The following FRMPD4 variants were observed in gnomAD, a reference collection of about 807,000 sequenced individuals.
FRMPD4 encodes the protein FERM and PDZ domain containing 4.
FRMPD4 carries 22 observed loss-of-function variants against 94.1 expected under a neutral mutation model. The ratio of observed to expected loss-of-function variants is 0.23; its 90% confidence interval spans 0.17 to 0.33. The LOEUF is 0.33. Among genes scored for constraint, FRMPD4 ranks in the 10% least tolerant of loss-of-function variants. The probability of loss-of-function intolerance (pLI) is 1.00; values close to 1 mark genes in which losing one functional copy is unlikely to be tolerated. For synonymous variants in FRMPD4, 631 were observed against 548.6 expected (o/e 1.15, Z -2.10); for missense variants, 1,111 against 1,339.9 (o/e 0.83, Z 2.67).
intron 4 of FRMPD4, among the ~76,000 whole-genome samples, chrX:12,620,267 C>T (rs1372901607): frequency 8.9e-6 from 1 of 112,495 alleles, no homozygotes; most frequent in Non-Finnish European, 1.9e-5. Flanking sequence ...ACACTGTGAT[C>T]CAGCTCCAGC....
intron 1 of FRMPD4, among the ~76,000 whole-genome samples, chrX:12,329,835 G>T (rs757589312): frequency 2.0e-5 from 2 of 100,259 alleles, no homozygotes; most frequent in African/African-American, 7.6e-5. Context: ...TTATTAGGTG[G>T]GTTGCCAGGA....
intron 1 of FRMPD4, among the ~76,000 whole-genome samples, chrX:12,165,443 G>T (rs1215099430): frequency 9.0e-6 from 1 of 111,602 alleles, no homozygotes; most frequent in East Asian, 2.8e-4. Context: ...TGCTGTTTTG[G>T]TTACTGTAGC....
intron 1 of FRMPD4, among the ~76,000 whole-genome samples, chrX:12,458,353 T>A (rs776739706): frequency 3.6e-5 from 4 of 111,722 alleles, no homozygotes; most frequent in African/African-American, 1.3e-4. Context: ...AATCACCAAA[T>A]ATGGAGGAGG....
At chrX:12,274,134 A>AT (rs67955270) in intron 1 of FRMPD4, among the ~76,000 whole-genome samples, 56 of 105,418 alleles carry the variant, frequency 5.3e-4, no homozygotes, top group Non-Finnish European at 7.3e-4. Context: ...GGCCTCTAGG[A>AT]TTTTTTTTTT....
rs189573088 is a variant in FRMPD4, at chrX:12,595,419, A to T, written c.159-14302A>T. The stretch of plus-strand genomic sequence containing the variant: ...TAATTAGATACCCATAAAACTGCTA[A>T]ACATATGTCATTAAAAAGTCCATGC... On this transcript the variant is annotated intron_variant, in intron 2 of 16. Coordinates refer to ENST00000675598, the MANE Select transcript of FRMPD4 (RefSeq NM_001368397.1). 3.6e-3 allele frequency among the ~76,000 whole-genome samples: 400 copies of T among 112,086 alleles called. 1 individual carries two copies. The highest frequency in any genetic ancestry group is 5.4e-3 in the Non-Finnish European group (286 of 53,202).
chrX:12,581,986 T>C (rs2058870506), intron 2 of FRMPD4, among the ~76,000 whole-genome samples: 1 of 112,267 alleles, frequency 8.9e-6, no homozygotes, highest in African/African-American at 3.2e-5. Context: ...TTGATCTCCA[T>C]ATTTTACTAT....
intron 15 of FRMPD4, among the ~76,000 whole-genome samples, 164 bp from the exon 16 acceptor site, chrX:12,717,336 TC>T (rs2042110664): frequency 9.1e-6 from 1 of 109,960 alleles, no homozygotes; most frequent in African/African-American, 3.3e-5. Flanking sequence ...AAGGCACATC[TC>T]CCCCCACCCC....
At chrX:12,469,962 G>A (rs760167566) in intron 1 of FRMPD4, among the ~76,000 whole-genome samples, 5 of 111,913 alleles carry the variant, frequency 4.5e-5, no homozygotes, top group African/African-American at 1.3e-4. Context: ...ATTTTACCTG[G>A]GACGAGTTTA....
chrX:11,970,709 C>T (rs745863895), intron 3 of FRMPD4, among the ~76,000 whole-genome samples: 1 of 111,573 alleles, frequency 9.0e-6, no homozygotes, highest in South Asian at 3.8e-4. Flanking sequence ...ATGATTTTTT[C>T]CCCCGAAAAG....
At position 12,114,889 on chromosome X, in the gene FRMPD4, T is replaced by C. The variant is rs375845257; in HGVS notation, c.95+236871T>C. 7.1e-5 allele frequency among the ~76,000 whole-genome samples: 8 copies of C among 112,822 alleles called. No individual in the cohort carries two copies. The South Asian group carries it at 2.9e-3, about 41-fold the overall frequency. ...TAAATGTTTCCGTGTATCTATTTGATCTACAGTGTAGAATATTGCTATAGC... is the reference window on the plus strand; with the variant it reads ...TAAATGTTTCCGTGTATCTATTTGACCTACAGTGTAGAATATTGCTATAGC... On this transcript the variant is annotated intron_variant, in intron 3 of 18. Coordinates refer to the FRMPD4 transcript ENST00000640291.
intron 3 of FRMPD4, among the ~76,000 whole-genome samples, chrX:12,060,711 C>T (rs2054880769): frequency 9.0e-6 from 1 of 111,102 alleles, no homozygotes; most frequent in South Asian, 3.8e-4. Flanking sequence ...CCTGTCTCCC[C>T]GTTCATCTAA....
chrX:12,163,936 C>T (rs970772235), intron 1 of FRMPD4, among the ~76,000 whole-genome samples: 1 of 111,983 alleles, frequency 8.9e-6, no homozygotes, highest in Non-Finnish European at 1.9e-5. Context: ...TTTGGTCTCA[C>T]TTGCAGAAGC....
chrX:12,257,499 T>A (rs889588841), intron 1 of FRMPD4, among the ~76,000 whole-genome samples: 2 of 110,921 alleles, frequency 1.8e-5, no homozygotes, highest in African/African-American at 6.7e-5. Context: ...AGAATAAATC[T>A]TTGACTTGTT....
chrX:12,119,116 A>C (rs1279256006), intron 3 of FRMPD4, among the ~76,000 whole-genome samples: 1 of 111,136 alleles, frequency 9.0e-6, no homozygotes. Context: ...GGTCCACAGC[A>C]CTATGTCCAG....
chrX:11,897,566 A>T (rs1220570448), intron 3 of FRMPD4, among the ~76,000 whole-genome samples: 3 of 112,017 alleles, frequency 2.7e-5, no homozygotes, highest in Non-Finnish European at 3.8e-5. Context: ...CAGAACACAA[A>T]ATATTTTAAA....
At chrX:12,353,289 C>G (rs1014529763) in intron 1 of FRMPD4, among the ~76,000 whole-genome samples, 1 of 112,070 alleles carries the variant, frequency 8.9e-6, no homozygotes, top group East Asian at 2.8e-4. Context: ...AAGAACAGCT[C>G]GAGCCGATTC....
In FRMPD4 at chrX:12,305,725, G is replaced by GTTTTTTTTTTTTTTTTTT. The variant is rs58794898; in HGVS notation, c.41+166718_41+166735dup. The stretch of plus-strand genomic sequence containing the variant: ...GGCATGTACCACCACAGCTGGCTAA[G>GTTTTTTTTTTTTTTTTTT]TTTTTTTTTTTTTTTTTTTTTTACA... On this transcript the variant is annotated intron_variant, in intron 1 of 16. Coordinates refer to ENST00000675598, the MANE Select transcript of FRMPD4 (RefSeq NM_001368397.1). Among the ~76,000 whole-genome samples, 90 of 59,691 alleles carry GTTTTTTTTTTTTTTTTTT rather than the reference G, an allele frequency of 1.5e-3. 5 individuals carry two copies. Among genetic ancestry groups the GTTTTTTTTTTTTTTTTTT allele is most frequent in the Admixed American group, 0.01 (36 of 3,515 alleles). 51.8% of individuals were successfully genotyped at this position (59,691 alleles called of 115,157 possible). A position where few individuals can be genotyped will look rare whatever the true frequency, so the allele number is the denominator to read the frequency against.
rs144219541 is a variant in FRMPD4 at position 12,131,472 on chromosome X, A to C, written c.95+253454A>C. On this transcript the variant is annotated intron_variant, in intron 3 of 18. Coordinates refer to the FRMPD4 transcript ENST00000640291. ...TTTTAACCTATAAAGCTTACAAATG[A>C]GGAAGACAACACTAAGAAAAGTTGA... is the stretch of plus-strand genomic sequence containing the variant. Among the ~76,000 whole-genome samples, 112 of 112,241 alleles carry C rather than the reference A, an allele frequency of 1.0e-3. 1 individual carries two copies. The South Asian group carries it at 0.024, about 24-fold the overall frequency.
chrX:12,458,614 G>A (rs1309192710), intron 1 of FRMPD4, among the ~76,000 whole-genome samples: 2 of 111,751 alleles, frequency 1.8e-5, no homozygotes, highest in East Asian at 5.6e-4. Flanking sequence ...CCACAGCATG[G>A]TGATCTCAGG....
Sources: allele counts gnomAD v4.1 joint callset (sites outside exome capture counted in the v4.1 genomes callset), GRCh38; gene constraint gnomAD v4.1.1; transcripts MANE v1.5; gene names NCBI Gene and HGNC (gene_info 2026-07-23, HGNC 2026-07-21).